DLG2: variants seen among roughly 807,000 people sequenced by gnomAD.
DLG2 encodes discs large MAGUK scaffold protein 2, also known as disks large homolog 2.
Under a neutral mutation model 132.5 loss-of-function variants are expected in DLG2, and 45 were observed. The observed-to-expected ratio is 0.34, with a 90% CI of 0.27 to 0.44. The LOEUF is 0.44. Among genes scored for constraint, DLG2 ranks in the 20% least tolerant of loss-of-function variants. The probability of loss-of-function intolerance (pLI) is 1.00; values close to 1 mark genes in which losing one functional copy is unlikely to be tolerated. For synonymous variants in DLG2, 424 were observed against 419.6 expected (o/e 1.01, Z -0.13); for missense variants, 1,045 against 1,196.9 (o/e 0.87, Z 1.87).
intron 6 of DLG2, chr11:85,021,468 A>C (rs149657547): frequency 8.1e-4 from 1,149 of 1,425,814 alleles, no homozygotes; most frequent in Non-Finnish European, 8.2e-4. Flanking sequence ...CAGCCCGGGC[A>C]TTTCTCTCAT....
At chr11:84,469,186 T>G (rs972075038) in intron 7 of DLG2, among the ~76,000 whole-genome samples, 2 of 151,708 alleles carry the variant, frequency 1.3e-5, no homozygotes, top group African/African-American at 4.8e-5. Flanking sequence ...AGTTAAATGA[T>G]GAATAGGTTT....
chr11:85,414,080 G>T (rs1200351076), intron 3 of DLG2, among the ~76,000 whole-genome samples: 10 of 151,964 alleles, frequency 6.6e-5, no homozygotes, highest in Non-Finnish European at 1.5e-4. Flanking sequence ...TCTTTCAGCA[G>T]TGTTTTGTAG....
At chr11:84,338,100 G>T (rs776586832) in intron 7 of DLG2, among the ~76,000 whole-genome samples, 92 of 152,268 alleles carry the variant, frequency 6.0e-4, no homozygotes, top group Non-Finnish European at 6.8e-4. Flanking sequence ...AAATAAGAGA[G>T]ATATTTATTT....
intron 6 of DLG2, among the ~76,000 whole-genome samples, chr11:84,693,665 C>T (rs2058297218): frequency 6.6e-6 from 1 of 151,666 alleles, no homozygotes; most frequent in East Asian, 1.9e-4. Context: ...CCAATTGTCT[C>T]ACCTGGCTTA....
At chr11:85,015,527 A>C (rs2059499432) in intron 6 of DLG2, among the ~76,000 whole-genome samples, 1 of 152,242 alleles carries the variant, frequency 6.6e-6, no homozygotes, top group East Asian at 1.9e-4. Context: ...GTCCTTCATA[A>C]CTGAGTGCAT....
intron 4 of DLG2, among the ~76,000 whole-genome samples, chr11:85,217,627 C>T (rs1158923458): frequency 6.6e-6 from 1 of 152,136 alleles, no homozygotes; most frequent in East Asian, 1.9e-4. Flanking sequence ...ATTATCCCAG[C>T]TTATTCCTAT....
chr11:83,606,571 G>C (rs185795459), intron 19 of DLG2, among the ~76,000 whole-genome samples: 1 of 152,132 alleles, frequency 6.6e-6, no homozygotes, highest in East Asian at 1.9e-4. Context: ...GGTCTTCACG[G>C]AGTTGACCTC....
At chr11:85,441,022 C>T (rs1425799955) in intron 3 of DLG2, among the ~76,000 whole-genome samples, 1 of 152,170 alleles carries the variant, frequency 6.6e-6, no homozygotes, top group Non-Finnish European at 1.5e-5. Flanking sequence ...CTCCTAAAAG[C>T]AAACAATTAA....
At position 84,856,094 on chromosome 11, in the gene DLG2, A is replaced by C. The variant is rs1238064212; in HGVS notation, c.357+255567T>G. 3.9e-5 allele frequency among the ~76,000 whole-genome samples: 6 copies of C among 152,064 alleles called. No individual in the cohort carries two copies. The South Asian group carries it at 6.2e-4, about 16-fold the overall frequency. On this transcript the variant is annotated intron_variant, in intron 6 of 27. Coordinates refer to ENST00000376104, the MANE Select transcript of DLG2 (RefSeq NM_001142699.3). ...AACATCTCCTGATGCATTCCTTTTC[A>C]TTACTCATTACAAAGTCATTTATGC...
chr11:85,027,619 G>A (rs1267614476), intron 6 of DLG2, among the ~76,000 whole-genome samples: 1 of 152,262 alleles, frequency 6.6e-6, no homozygotes, highest in Non-Finnish European at 1.5e-5. Context: ...AGCCACGCAT[G>A]CTAGCTGCTG....
chr11:85,401,640 G>A (rs1241466954), intron 3 of DLG2, among the ~76,000 whole-genome samples: 1 of 152,260 alleles, frequency 6.6e-6, no homozygotes, highest in East Asian at 1.9e-4. Flanking sequence ...CTTCAGCAAA[G>A]TCTCAGGATA....
rs1055451183 is a variant in DLG2, at chr11:83,930,537, A to T, written c.1341-54T>A. The stretch of plus-strand genomic sequence containing the variant: ...TGCATGGTTAGTACATACAAGGAAC[A>T]CCTGTGCAACCAGTAGCATCTCAGC... On this transcript the variant is annotated intron_variant, in intron 14 of 27. Transcript: ENST00000376104. 98 of 1,518,366 alleles carry T rather than the reference A, an allele frequency of 6.5e-5. 1 individual carries two copies. In the African/African-American group the frequency reaches 1.3e-3, roughly 20 times the overall value. 94.1% of individuals were successfully genotyped at this position (1,518,366 alleles called of 1,614,324 possible). A position where few individuals can be genotyped will look rare whatever the true frequency, so the allele number is the denominator to read the frequency against.
chr11:85,536,698 C>T (rs1355604430), intron 3 of DLG2, among the ~76,000 whole-genome samples: 1 of 152,258 alleles, frequency 6.6e-6, no homozygotes. Flanking sequence ...GCAGGCTTGG[C>T]AAGCCCCGCA....
intron 19 of DLG2, among the ~76,000 whole-genome samples, chr11:83,561,071 T>G (rs543228733): frequency 6.6e-6 from 1 of 152,064 alleles, no homozygotes; most frequent in South Asian, 2.1e-4. Context: ...GAGCAAGGCG[T>G]TGGGGAAGGT....
chr11:83,635,387 G>A (rs2064525755), intron 18 of DLG2, among the ~76,000 whole-genome samples: 1 of 152,174 alleles, frequency 6.6e-6, no homozygotes. Flanking sequence ...TGCTTCATGG[G>A]CATTATCTCA....
intron 9 of DLG2, among the ~76,000 whole-genome samples, chr11:84,107,279 A>G (rs997985037): frequency 1.3e-5 from 2 of 152,052 alleles, no homozygotes; most frequent in African/African-American, 4.8e-5. Flanking sequence ...CATGTAGTAT[A>G]GCCACAATAC....
chr11:84,840,389 A>G (rs537331485), intron 6 of DLG2, among the ~76,000 whole-genome samples: 2 of 152,226 alleles, frequency 1.3e-5, no homozygotes, highest in African/African-American at 4.8e-5. Context: ...TACACTGTTG[A>G]TGGTAGTGTA....
At chr11:83,931,423 T>C (rs2154130948) in intron 14 of DLG2, among the ~76,000 whole-genome samples, 1 of 152,358 alleles carries the variant, frequency 6.6e-6, no homozygotes, top group East Asian at 1.9e-4. Context: ...GGAGGGCTGA[T>C]CCAATTTTCT....
intron 11 of DLG2, among the ~76,000 whole-genome samples, chr11:84,006,852 C>T (rs561191678): frequency 6.7e-4 from 102 of 151,726 alleles, no homozygotes; most frequent in African/African-American, 2.4e-3. Flanking sequence ...TTACTTTGAG[C>T]TTTTCCTTGT....
Sources: gnomAD v4.1 joint callset for allele counts (sites outside exome capture counted in the v4.1 genomes callset) on GRCh38, gnomAD v4.1.1 for gene constraint, MANE v1.5 for transcripts, NCBI Gene and HGNC (gene_info 2026-07-23, HGNC 2026-07-21) for gene names.